Variants in TP63 observed in about 807,000 individuals in gnomAD.
TP63 encodes the protein tumor protein p63.
In TP63, 17 loss-of-function variants were observed where a neutral mutation model predicts 82.8. That is an observed-to-expected ratio of 0.21 (90% CI 0.14 to 0.31). TP63 has a LOEUF of 0.31. TP63 is among the 10% of genes least tolerant of loss of function. The pLI is 1.00. For missense variants in TP63, 648 were observed against 895.3 expected (o/e 0.72, Z 3.52); for synonymous variants, 330 against 321.7 (o/e 1.03, Z -0.28).
At chr3:189,834,964 T>C (rs1230574948) in intron 4 of TP63, among the ~76,000 whole-genome samples, 1 of 151,160 alleles carries the variant, frequency 6.6e-6, no homozygotes, top group East Asian at 2.0e-4. Context: ...CTGGGTCATA[T>C]GTCTCTAAAC....
At chr3:189,817,692 A>AT (rs1310999465) in intron 4 of TP63, among the ~76,000 whole-genome samples, 4 of 152,066 alleles carry the variant, frequency 2.6e-5, no homozygotes, top group African/African-American at 9.7e-5. Context: ...TAACATAAAT[A>AT]TATAAGTCCC....
chr3:189,718,870 A>T (rs1418794173), intron 1 of TP63, among the ~76,000 whole-genome samples: 1 of 152,154 alleles, frequency 6.6e-6, no homozygotes, highest in Non-Finnish European at 1.5e-5. Flanking sequence ...ATCTAAAAAA[A>T]CAAAAACAAA....
chr3:189,676,667 T>A (rs1248185027), intron 1 of TP63, among the ~76,000 whole-genome samples: 2 of 152,026 alleles, frequency 1.3e-5, no homozygotes, highest in Admixed American at 6.6e-5. Flanking sequence ...TAGTGAAGTG[T>A]GGGCTTTTAG....
chr3:189,823,123 G>A (rs1728966812), intron 4 of TP63, among the ~76,000 whole-genome samples: 1 of 152,186 alleles, frequency 6.6e-6, no homozygotes, highest in Admixed American at 6.5e-5. Flanking sequence ...TTGGTTAACT[G>A]AAGAGAGTAG....
intron 1 of TP63, among the ~76,000 whole-genome samples, chr3:189,709,808 T>C (rs1372038207): frequency 1.3e-5 from 2 of 152,162 alleles, no homozygotes; most frequent in African/African-American, 2.4e-5. Flanking sequence ...AAGCTACAGT[T>C]AGGGATGATA....
chr3:189,670,441 C>T (rs867921059), intron 1 of TP63, among the ~76,000 whole-genome samples: 5 of 152,042 alleles, frequency 3.3e-5, no homozygotes, highest in Admixed American at 6.6e-5. Flanking sequence ...ATATGGAAAT[C>T]ATGCAAATTG....
rs1721442177 is a variant in TP63, at chr3:189,896,039, A to T, written c.*1537A>T. ...CCACTTAAACGAAGAGTTCCCTTGA[A>T]ACTTTGGGAAAACATGTTAATGACA... On this transcript the variant is annotated 3_prime_UTR_variant, in exon 14 of 14. Coordinates refer to ENST00000264731, the MANE Select transcript of TP63 (RefSeq NM_003722.5). The T allele has an allele frequency of 4.4e-6, 1 of 228,190 alleles. No homozygotes were observed. 14.1% of individuals were successfully genotyped at this position (228,190 alleles called of 1,614,324 possible).
intron 3 of TP63, among the ~76,000 whole-genome samples, chr3:189,756,196 C>A (rs542743228): frequency 5.8e-4 from 88 of 152,274 alleles, no homozygotes; most frequent in Admixed American, 1.8e-3. Context: ...ATCATTTAAA[C>A]ATAATTTGTG....
chr3:189,839,880 A>G (rs887375844), intron 4 of TP63, among the ~76,000 whole-genome samples: 54 of 152,282 alleles, frequency 3.5e-4, no homozygotes, highest in Middle Eastern at 3.4e-3. Context: ...AGCCCTGTAC[A>G]GGGGAGGAGC....
At chr3:189,766,946 C>T (rs1036817993) in intron 3 of TP63, among the ~76,000 whole-genome samples, 3 of 152,162 alleles carry the variant, frequency 2.0e-5, no homozygotes, top group African/African-American at 7.2e-5. Flanking sequence ...CCTCCTATCC[C>T]TCACCCTGCA....
At chr3:189,881,420 T>A in intron 10 of TP63, 1 of 985,358 alleles carries the variant, frequency 1.0e-6, no homozygotes, top group South Asian at 4.7e-5. Context: ...ACCAAGACAA[T>A]GATTTCTTGT....
intron 1 of TP63, among the ~76,000 whole-genome samples, chr3:189,667,914 G>GTA (rs1560096581): frequency 1.3e-5 from 2 of 151,594 alleles, no homozygotes; most frequent in Non-Finnish European, 1.5e-5. Context: ...GTGTGGCCAT[G>GTA]TTCCACTACA....
chr3:189,635,532 G>A (rs2108608479), intron 1 of TP63, among the ~76,000 whole-genome samples: 1 of 152,172 alleles, frequency 6.6e-6, no homozygotes, highest in Admixed American at 6.6e-5. Context: ...GCAATCTCCT[G>A]CAGGAGAGTG....
At chr3:189,732,049 T>C (rs184834221) in intron 1 of TP63, among the ~76,000 whole-genome samples, 2 of 152,364 alleles carry the variant, frequency 1.3e-5, no homozygotes, top group Admixed American at 1.3e-4. Flanking sequence ...TTTTTATTTT[T>C]AAGAAACAGA....
At chr3:189,830,259 G>A (rs151057343) in intron 4 of TP63, among the ~76,000 whole-genome samples, 3 of 152,158 alleles carry the variant, frequency 2.0e-5, no homozygotes, top group African/African-American at 7.2e-5. Context: ...CAGTCTGCCA[G>A]AGTTCCTGAT....
At chr3:189,866,166 G>A (rs1717697425) in intron 5 of TP63, among the ~76,000 whole-genome samples, 2 of 152,020 alleles carry the variant, frequency 1.3e-5, no homozygotes, top group African/African-American at 4.8e-5. Context: ...ACACCAGAAC[G>A]TTTCTTATCT....
intron 1 of TP63, among the ~76,000 whole-genome samples, chr3:189,660,936 G>C (rs992010697): frequency 1.3e-5 from 2 of 151,966 alleles, no homozygotes; most frequent in Non-Finnish European, 1.5e-5. Context: ...TTTGTATCCT[G>C]AAACTTTACT....
At chr3:189,673,475 T>C (rs945535039) in intron 1 of TP63, among the ~76,000 whole-genome samples, 11 of 152,058 alleles carry the variant, frequency 7.2e-5, no homozygotes, top group African/African-American at 1.9e-4. Context: ...ACTGTAAAAA[T>C]TACAAAAATA....
chr3:189,885,232 C>G (rs1168903794), intron 10 of TP63, among the ~76,000 whole-genome samples: 1 of 152,160 alleles, frequency 6.6e-6, no homozygotes, highest in Non-Finnish European at 1.5e-5. Flanking sequence ...CACAGTAATT[C>G]AGTGTAGATG....
Sources: allele counts gnomAD v4.1 joint callset (sites outside exome capture counted in the v4.1 genomes callset), GRCh38; gene constraint gnomAD v4.1.1; transcripts MANE v1.5; gene names NCBI Gene and HGNC (gene_info 2026-07-23, HGNC 2026-07-21).